The following RNF207 variants were observed in gnomAD, a reference collection of about 807,000 sequenced individuals.
The protein encoded by RNF207 is ring finger protein 207, also known as OTTHUMG00000001089.
A neutral mutation model predicts 79.0 loss-of-function variants in RNF207; 72 were observed. The observed-to-expected ratio is 0.91, with a 90% confidence interval of 0.75 to 1.11. The LOEUF (loss-of-function observed/expected upper bound fraction) is 1.11. Ranked by LOEUF, RNF207 falls within the 50% of genes least tolerant of loss-of-function variation. RNF207 has a pLI of 0.00. For synonymous variants in RNF207, 348 were observed against 366.2 expected, an observed-to-expected ratio of 0.95 and a Z score of 0.57; for missense variants, 936 against 855.8, an observed-to-expected ratio of 1.09 and a Z score of -1.17.
chr1:6,218,464 G>C, intron 17 of RNF207, 95 bp downstream of exon 17: 1 of 932,046 alleles, frequency 1.1e-6, no homozygotes, highest in Non-Finnish European at 1.7e-6. Context: ...CCCCTTTGGC[G>C]CCAGCTCTGG....
rs1431326529 is a variant in RNF207 at position 6,211,591 on chromosome 1, G to A, written c.1110-276G>A. Among the ~76,000 whole-genome samples, 1 of 152,192 alleles carries A rather than the reference G, an allele frequency of 6.6e-6. No homozygotes were observed. Among genetic ancestry groups the A allele is most frequent in the Non-Finnish European group, 1.5e-5 (1 of 68,012 alleles). On this transcript the variant is annotated intron_variant, in intron 12 of 17. Coordinates refer to ENST00000377939, the MANE Select transcript of RNF207 (RefSeq NM_207396.3). This position sits in a 1 kb window ranked among gnomAD's most constrained non-coding sequence, Gnocchi z 4.2. ...CACTTCCTCTGTCCAGCATAGAAGT[G>A]AACACACCACTCACTCGGTCCTGGC...
Position 6,212,014 on chromosome 1 carries a change from C to T in RNF207, c.1257C>T (p.Pro419=). The T allele has an allele frequency of 5.6e-6, 9 of 1,593,992 alleles. No homozygotes were observed. Among genetic ancestry groups the T allele is most frequent in the Non-Finnish European group, 7.7e-6 (9 of 1,171,440 alleles). ...KVLLAEGENT[P]FAEHCRHYED... Reference sequence around the variant, plus strand: ...TGCTGGCGGAGGGCGAGAACACGCCCTTCGCAGAGCACTGCCGCCACTATG... The same window carrying T: ...TGCTGGCGGAGGGCGAGAACACGCCTTTCGCAGAGCACTGCCGCCACTATG... Residue 419 remains proline (P), a synonymous_variant, in exon 13 of 18, where the codon CCC becomes CCT. Transcript: ENST00000377939.
chr1:6,211,250 C>T lies in RNF207; in HGVS notation c.1109+132C>T. On this transcript the variant is annotated intron_variant, in intron 12 of 17. Coordinates refer to ENST00000377939, the MANE Select transcript of RNF207 (RefSeq NM_207396.3). The surrounding 1 kb of genome is among the most constrained non-coding windows in gnomAD (Gnocchi z 4.2). ...TCCTTCCTCCGTCCTTAGCTCGCCACCCTCCCAGCAGGGTGTCTGGGCACA... is the reference window on the plus strand; with the variant it reads ...TCCTTCCTCCGTCCTTAGCTCGCCATCCTCCCAGCAGGGTGTCTGGGCACA... 2 of 648,984 alleles carry T rather than the reference C, an allele frequency of 3.1e-6. No homozygotes were observed. Among genetic ancestry groups the T allele is most frequent in the Middle Eastern group, 4.2e-4 (1 of 2,400 alleles). The allele number at this position is 648,984 out of a possible 1,614,324, so 40.2% of individuals were successfully genotyped here.
chr1:6,213,077 G>T lies in RNF207; in HGVS notation c.1546G>T (p.Asp516Tyr). The T allele has an allele frequency of 6.2e-7, 1 of 1,612,728 alleles. No homozygotes were observed. Among genetic ancestry groups the T allele is most frequent in the South Asian group, 1.1e-5 (1 of 90,954 alleles). Residue 516 changes from aspartate to tyrosine, a missense_variant, in exon 16 of 18, where the codon GAC becomes TAC. Transcript: ENST00000377939. ...EQEIYEAQLH[D>Y]LLQLRQENAY... The stretch of plus-strand genomic sequence containing the variant: ...CCTTGGCCCCACAGCCCAGCTCCAT[G>T]ACCTTCTCCAGCTGAGGCAGGAGAA...
chr1:6,212,157 C>T, intron 13 of RNF207, 74 bp from the exon 14 acceptor site: 1 of 1,546,764 alleles, frequency 6.5e-7, no homozygotes, highest in African/African-American at 1.4e-5. Flanking sequence ...AGCTGGGAGC[C>T]ATTCCTCCAC....
rs1668183793 is a variant in RNF207 at position 6,211,943 on chromosome 1, C to T, written c.1186C>T (p.Pro396Ser). The change falls in exon 13 of 18, where the codon CCC becomes TCC. Residue 396 changes from proline (P) to serine (S), a missense_variant. Transcript: ENST00000377939. This position sits in a 1 kb window ranked among gnomAD's most constrained non-coding sequence, Gnocchi z 4.2. ...CCCAGTAGGAAAGATGTCGGGGTCA[C>T]CCGTCCAAAAGCCCACGCTGCACCG... ...PSPVGKMSGSPVQKPTLHRSI... is the reference protein window; with the variant it reads ...PSPVGKMSGSSVQKPTLHRSI... 3 of 1,557,388 alleles carry T rather than the reference C, an allele frequency of 1.9e-6. No individual in the cohort carries two copies. The highest frequency in any genetic ancestry group is 1.4e-5 in the African/African-American group (1 of 73,358).
chr1:6,220,652 C>T lies in RNF207; in HGVS notation c.*1245C>T, dbSNP rs1668518853. ...TACAACTTCGCTGCTTTCCCAAACT[C>T]CTGCAGCCCTCCTGAGTCCGACTTC... On this transcript the variant is annotated 3_prime_UTR_variant, in exon 18 of 18. Coordinates refer to ENST00000377939, the MANE Select transcript of RNF207 (RefSeq NM_207396.3). The T allele has an allele frequency of 1.3e-5, 2 of 152,214 alleles. No individual in the cohort carries two copies. The highest frequency in any genetic ancestry group is 2.9e-5 in the Non-Finnish European group (2 of 68,034). 9.4% of individuals were successfully genotyped at this position (152,214 alleles called of 1,614,324 possible).
chr1:6,209,386 C>T, intron 6 of RNF207, 28 bp from the exon 7 acceptor site: 1 of 1,524,828 alleles, frequency 6.6e-7, no homozygotes, highest in Non-Finnish European at 8.8e-7. Flanking sequence ...CGGCGGCGAT[C>T]GCGAGCCTGA....
In RNF207 at chr1:6,209,970, G is replaced by A. The variant is rs1668090643; in HGVS notation, c.800G>A (p.Ser267Asn). Residue 267 changes from serine (S) to asparagine (N), a missense_variant and splice_region_variant, in exon 8 of 18, where the codon AGC becomes AAC. Ser to Asn is a conservative substitution (Grantham distance 46). Transcript: ENST00000377939. ...RKALLLQAVQ[S>N]QYEEKDKAFK... Reference sequence around the variant, plus strand: ...GCGCTGCTGCTGCAGGCTGTGCAGAGGTGAGTTGGGGGGAGCGGGGCTTGC... The same window carrying A: ...GCGCTGCTGCTGCAGGCTGTGCAGAAGTGAGTTGGGGGGAGCGGGGCTTGC... 1.8e-5 allele frequency: 28 copies of A among 1,587,546 alleles called. No homozygotes were observed. The highest frequency in any genetic ancestry group is 2.4e-5 in the Non-Finnish European group (28 of 1,166,062).
chr1:6,211,976 A>G lies in RNF207; in HGVS notation c.1219A>G (p.Ser407Gly), dbSNP rs1668185421. Residue 407 changes from serine (S) to glycine (G), a missense_variant, in exon 13 of 18, where the codon AGC becomes GGC. Coordinates refer to ENST00000377939, the MANE Select transcript of RNF207 (RefSeq NM_207396.3). The surrounding 1 kb of genome is among the most constrained non-coding windows in gnomAD (Gnocchi z 4.2). ...VQKPTLHRSISTKVLLAEGEN... is the reference protein window; with the variant it reads ...VQKPTLHRSIGTKVLLAEGEN... ...AAAGCCCACGCTGCACCGGTCCATCAGCACCAAGGTGCTGCTGGCGGAGGG... is the reference window on the plus strand; with the variant it reads ...AAAGCCCACGCTGCACCGGTCCATCGGCACCAAGGTGCTGCTGGCGGAGGG... 3 of 1,581,858 alleles carry G rather than the reference A, an allele frequency of 1.9e-6. No individual in the cohort carries two copies. The highest frequency in any genetic ancestry group is 2.6e-6 in the Non-Finnish European group (3 of 1,164,702).
In RNF207 at chr1:6,210,285, C is replaced by T; in HGVS notation, c.863C>T (p.Pro288Leu). ...CTCTCTCACTTGGCCACCTTGCTGCCCACCCTGCAGGTACAGGGAGCTCGG... is the reference window on the plus strand; with the variant it reads ...CTCTCTCACTTGGCCACCTTGCTGCTCACCCTGCAGGTACAGGGAGCTCGG... ...EQLSHLATLL[P>L]TLQVHLVICS... is the part of the protein sequence containing the mutation. Residue 288 changes from proline (P) to leucine (L), a missense_variant, in exon 9 of 18, where the codon CCC becomes CTC. Pro to Leu is a moderately conservative substitution (Grantham distance 98). Transcript: ENST00000377939. The T allele has an allele frequency of 6.2e-7, 1 of 1,613,832 alleles. No individual in the cohort carries two copies. The highest frequency in any genetic ancestry group is 8.5e-7 in the Non-Finnish European group (1 of 1,179,838).
At chr1:6,213,279 G>A (rs192128910) in intron 16 of RNF207, 96 bp downstream of exon 16, 68 of 723,710 alleles carry the variant, frequency 9.4e-5, no homozygotes, top group Middle Eastern at 5.4e-4. Context: ...CTAACACTTC[G>A]GGAGGCTGAG....
chr1:6,215,819 C>G (rs762343957), intron 16 of RNF207, among the ~76,000 whole-genome samples: 1 of 152,202 alleles, frequency 6.6e-6, no homozygotes, highest in Non-Finnish European at 1.5e-5. Flanking sequence ...TGTGCCACCA[C>G]GCCCTCTAAG....
Position 6,207,364 on chromosome 1 carries a change from T to C in RNF207, c.192-15T>C. 6.7e-7 allele frequency: 1 copy of C among 1,501,310 alleles called. No homozygotes were observed. The highest frequency in any genetic ancestry group is 8.9e-7 in the Non-Finnish European group (1 of 1,125,266). 93.0% of individuals were successfully genotyped at this position (1,501,310 alleles called of 1,614,324 possible). A position where few individuals can be genotyped will look rare whatever the true frequency, so the allele number is the denominator to read the frequency against. ...GAAGGGGTATCAGAATCTCGGGGCC[T>C]GGGCTTCTCTGCAGACACCAGACGG... On this transcript the variant is annotated splice_polypyrimidine_tract_variant and intron_variant, in intron 2 of 17. Transcript: ENST00000377939. This position sits in a 1 kb window ranked among gnomAD's most constrained non-coding sequence, Gnocchi z 4.5.
chr1:6,206,549 T>C lies in RNF207; in HGVS notation c.14T>C (p.Ile5Thr). 1 of 1,583,846 alleles carries C rather than the reference T, an allele frequency of 6.3e-7. No homozygotes were observed. The highest frequency in any genetic ancestry group is 8.5e-7 in the Non-Finnish European group (1 of 1,172,908). Reference sequence around the variant, plus strand: ...CTGTCGCTGCAGATGTCGGGAGCTATCTTCGGGCCCCTGGAGGGCCCGAGC... The same window carrying C: ...CTGTCGCTGCAGATGTCGGGAGCTACCTTCGGGCCCCTGGAGGGCCCGAGC... The part of the protein sequence containing the change: MSGA[I>T]FGPLEGPSSL... The change falls in exon 2 of 18, where the codon ATC becomes ACC. Residue 5 changes from isoleucine to threonine, a missense_variant. Physicochemically the swap from Ile to Thr is moderately conservative, Grantham distance 89. Coordinates refer to ENST00000377939, the MANE Select transcript of RNF207 (RefSeq NM_207396.3).
In RNF207 at chr1:6,219,644, C is replaced by T. The variant is rs971619091; in HGVS notation, c.*237C>T. The stretch of plus-strand genomic sequence containing the variant: ...AGTAGCTGGGATTACAGGCGCCTGA[C>T]ACCACGCCCCGCTAATTTTTTGTAT... On this transcript the variant is annotated 3_prime_UTR_variant, in exon 18 of 18. Transcript: ENST00000377939. 1.9e-5 allele frequency: 5 copies of T among 264,682 alleles called. No homozygotes were observed. Among genetic ancestry groups the T allele is most frequent in the Non-Finnish European group, 3.6e-5 (5 of 138,786 alleles). The allele number at this position is 264,682 out of a possible 1,614,324, so 16.4% of individuals were successfully genotyped here.
rs1338232762 is a variant in RNF207 at position 6,220,879 on chromosome 1, T to C, written c.*1472T>C. ...GTCACATTTAAGCAAATATTCAGCT[T>C]GATTCAGTGATTAACAGCAAATGGG... On this transcript the variant is annotated 3_prime_UTR_variant, in exon 18 of 18. Transcript: ENST00000377939. 6.6e-6 allele frequency: 1 copy of C among 152,196 alleles called. No homozygotes were observed. The highest frequency in any genetic ancestry group is 1.5e-5 in the Non-Finnish European group (1 of 68,036). The allele number at this position is 152,196 out of a possible 1,614,324, so 9.4% of individuals were successfully genotyped here. A position where few individuals can be genotyped will look rare whatever the true frequency, so the allele number is the denominator to read the frequency against.
Position 6,210,908 on chromosome 1 carries a change from G to C in RNF207, c.981G>C (p.Pro327=). 1 of 1,605,828 alleles carries C rather than the reference G, an allele frequency of 6.2e-7. No homozygotes were observed. The highest frequency in any genetic ancestry group is 8.5e-7 in the Non-Finnish European group (1 of 1,177,024). ...MERLQGIVTR[P]HHLRPIQSSK... is the part of the protein sequence containing the mutation. ...GGCTGCAGGGCATCGTCACGCGGCCGCACCACCTAAGGCCTATTCAGAGCA... is the reference window on the plus strand; with the variant it reads ...GGCTGCAGGGCATCGTCACGCGGCCCCACCACCTAAGGCCTATTCAGAGCA... The change falls in exon 11 of 18, where the codon CCG becomes CCC. Residue 327 remains proline, a synonymous_variant. Transcript: ENST00000377939.
At chr1:6,210,529 C>A in intron 10 of RNF207, 91 bp downstream of exon 10, 1 of 991,000 alleles carries the variant, frequency 1.0e-6, no homozygotes, top group Non-Finnish European at 1.5e-6. Context: ...GGCAGCCTGT[C>A]ACCTGGAGCC....
Sources: allele counts gnomAD v4.1 joint callset (sites outside exome capture counted in the v4.1 genomes callset), GRCh38; gene constraint gnomAD v4.1.1; non-coding constraint Gnocchi (gnomAD v3.1); transcripts MANE v1.5; gene names NCBI Gene and HGNC (gene_info 2026-07-23, HGNC 2026-07-21).